The following PRDM16 variants were observed in gnomAD, a reference collection of about 807,000 sequenced individuals.
PRDM16 encodes histone-lysine N-methyltransferase PRDM16.
PRDM16 carries 23 observed loss-of-function variants against 110.6 expected under a neutral mutation model. The ratio of observed to expected loss-of-function variants is 0.21; its 90% CI spans 0.15 to 0.29. PRDM16 has a LOEUF of 0.29. Among genes scored for constraint, PRDM16 ranks in the 10% least tolerant of loss-of-function variants. The pLI is 1.00. For synonymous variants in PRDM16, 799 were observed against 781.8 expected, an observed-to-expected ratio of 1.02 and a Z score of -0.37; for missense variants, 1,615 against 1,794.3, an observed-to-expected ratio of 0.90 and a Z score of 1.81.
intron 3 of PRDM16, among the ~76,000 whole-genome samples, chr1:3,375,065 G>C (rs1642968971): frequency 6.6e-6 from 1 of 152,230 alleles, no homozygotes; most frequent in Non-Finnish European, 1.5e-5. Context: ...CAGCCTCCAA[G>C]CAGCTGGAAA....
chr1:3,337,910 G>A (rs546118593), intron 3 of PRDM16, among the ~76,000 whole-genome samples: 60 of 152,308 alleles, frequency 3.9e-4, no homozygotes, highest in Non-Finnish European at 7.8e-4. Context: ...GGGCACTTGT[G>A]TACACATAGA....
chr1:3,282,900 G>A (rs1437906705), intron 3 of PRDM16, among the ~76,000 whole-genome samples: 3 of 152,230 alleles, frequency 2.0e-5, no homozygotes, highest in Non-Finnish European at 4.4e-5. Flanking sequence ...CTCCCCTGCA[G>A]GTGCAGTGAG....
chr1:3,115,846 G>C (rs1642944944), intron 1 of PRDM16, among the ~76,000 whole-genome samples: 1 of 152,218 alleles, frequency 6.6e-6, no homozygotes, highest in African/African-American at 2.4e-5. Flanking sequence ...ACCTGGCTCT[G>C]CCCACCTCTT....
chr1:3,346,432 C>T (rs1045441962), intron 3 of PRDM16, among the ~76,000 whole-genome samples: 5 of 152,118 alleles, frequency 3.3e-5, no homozygotes, highest in South Asian at 4.2e-4. Context: ...AAGCACAGGG[C>T]GGAACACTCT....
At chr1:3,094,061 G>A (rs185484497) in intron 1 of PRDM16, among the ~76,000 whole-genome samples, 1,871 of 152,362 alleles carry the variant, frequency 0.012, 18 homozygotes, top group Non-Finnish European at 0.019. Flanking sequence ...GTGGTCTGGG[G>A]AAAGTGGTGG....
chr1:3,195,182 A>C (rs961382769), intron 2 of PRDM16, among the ~76,000 whole-genome samples: 6 of 152,180 alleles, frequency 3.9e-5, no homozygotes, highest in Non-Finnish European at 7.3e-5. Context: ...GATGCAGAGA[A>C]ACCCATGGGC....
rs34858929 is a variant in PRDM16, at chr1:3,157,422, T to TAAA, written c.38-28685_38-28683dup. Among the ~76,000 whole-genome samples, 10,662 of 121,938 alleles carry TAAA rather than the reference T, an allele frequency of 0.087. 681 individuals carry two copies. The highest frequency in any genetic ancestry group is 0.2 in the East Asian group (879 of 4,292). 80.0% of individuals were successfully genotyped at this position (121,938 alleles called of 152,430 possible). ...GCTCCCAGGCCTTTTGCGATCCCATTAAAAAAAAAAAAAAAAAAAACACCT... is the reference window on the plus strand; with the variant it reads ...GCTCCCAGGCCTTTTGCGATCCCATTAAAAAAAAAAAAAAAAAAAAAAACACCT... On this transcript the variant is annotated intron_variant, in intron 1 of 16. Transcript: ENST00000270722. This position sits in a 1 kb window ranked among gnomAD's most constrained non-coding sequence, Gnocchi z 4.8.
intron 3 of PRDM16, among the ~76,000 whole-genome samples, chr1:3,352,550 G>A (rs149262431): frequency 2.5e-3 from 384 of 152,326 alleles, no homozygotes; most frequent in Non-Finnish European, 4.2e-3. Flanking sequence ...CAGCCTCTGT[G>A]ATTAAGCCTC....
Position 3,336,092 on chromosome 1 carries a change from A to G in PRDM16, c.439-49060A>G, listed in dbSNP as rs576995090. ...CCAATCTCCACAGCTGTGCCTGAGA[A>G]CAGTGAAGATGAAGGGAGAGAGGGT... On this transcript the variant is annotated intron_variant, in intron 3 of 16. Coordinates refer to ENST00000270722, the MANE Select transcript of PRDM16 (RefSeq NM_022114.4). Among the ~76,000 whole-genome samples the G allele has an allele frequency of 3.0e-4, 45 of 152,374 alleles. No individual in the cohort carries two copies. In the South Asian group the frequency reaches 9.1e-3, roughly 31 times the overall value.
At chr1:3,418,787 C>A in intron 12 of PRDM16, 43 bp downstream of exon 12, 1 of 1,450,864 alleles carries the variant, frequency 6.9e-7, no homozygotes, top group Non-Finnish European at 9.7e-7. Context: ...GGCCGCCTGC[C>A]TCCGTGCACC....
chr1:3,400,714 T>A (rs1306039270), intron 5 of PRDM16, among the ~76,000 whole-genome samples: 1 of 152,134 alleles, frequency 6.6e-6, no homozygotes, highest in Non-Finnish European at 1.5e-5. Context: ...ATGATCTTGT[T>A]TTCCCCCAAA....
intron 3 of PRDM16, among the ~76,000 whole-genome samples, chr1:3,252,492 C>A (rs749862547): frequency 3.3e-5 from 5 of 152,102 alleles, no homozygotes; most frequent in Non-Finnish European, 7.4e-5. Context: ...GGTGGAGGTC[C>A]CTAAGGCCTA....
chr1:3,115,580 G>A (rs570194148), intron 1 of PRDM16, among the ~76,000 whole-genome samples: 4 of 152,226 alleles, frequency 2.6e-5, no homozygotes, highest in African/African-American at 4.8e-5. Context: ...ACACTGCCCC[G>A]GCGCCGGCCT....
At chr1:3,115,381 G>A (rs1191106674) in intron 1 of PRDM16, among the ~76,000 whole-genome samples, 1 of 152,226 alleles carries the variant, frequency 6.6e-6, no homozygotes, top group Non-Finnish European at 1.5e-5. Context: ...GAGCAAATAC[G>A]CCAGCTCCTG....
chr1:3,165,197 T>A (rs1191265477), intron 1 of PRDM16, among the ~76,000 whole-genome samples: 1 of 139,722 alleles, frequency 7.2e-6, no homozygotes, highest in Non-Finnish European at 1.6e-5. Flanking sequence ...GGACAGGGAC[T>A]TACCTGGCCT....
chr1:3,170,441 C>T (rs181881899), intron 1 of PRDM16, among the ~76,000 whole-genome samples: 58 of 152,202 alleles, frequency 3.8e-4, no homozygotes, highest in African/African-American at 1.3e-3. Context: ...GGAGCAGAGC[C>T]GAGTGGATTA....
intron 1 of PRDM16, among the ~76,000 whole-genome samples, chr1:3,126,685 G>T (rs1643216396): frequency 6.6e-6 from 1 of 152,214 alleles, no homozygotes; most frequent in African/African-American, 2.4e-5. Flanking sequence ...TGTAGGGCTG[G>T]TGCTTCTGGA....
At chr1:3,415,621 G>T (rs935186459) in intron 10 of PRDM16, among the ~76,000 whole-genome samples, 20 of 152,278 alleles carry the variant, frequency 1.3e-4, no homozygotes, top group Admixed American at 1.1e-3. Flanking sequence ...TTTGTGCGGG[G>T]AGCGAGGCCG....
rs150445502 is a variant in PRDM16, at chr1:3,091,995, G to C, written c.37+22699G>C. ...TTTGGGAGGCCCGCGTTAGCCCCAG[G>C]ACGGCTTCATGGGGAGGGGACGCAG... On this transcript the variant is annotated intron_variant, in intron 1 of 16. Transcript: ENST00000270722. Among the ~76,000 whole-genome samples the C allele has an allele frequency of 6.0e-4, 91 of 152,334 alleles. 4 individuals are homozygous for C. In the East Asian group the frequency reaches 0.017, roughly 29 times the overall value.
Sources: allele counts gnomAD v4.1 joint callset (sites outside exome capture counted in the v4.1 genomes callset), GRCh38; gene constraint gnomAD v4.1.1; non-coding constraint Gnocchi (gnomAD v3.1); transcripts MANE v1.5; gene names NCBI Gene and HGNC (gene_info 2026-07-23, HGNC 2026-07-21).